The following HS6ST3 variants were observed in gnomAD, a reference collection of about 807,000 sequenced individuals.
The protein encoded by HS6ST3 is heparan-sulfate 6-O-sulfotransferase 3.
A neutral mutation model predicts 36.7 loss-of-function variants in HS6ST3; 12 were observed. The observed-to-expected ratio is 0.33, with a 90% CI of 0.21 to 0.53. HS6ST3 has a LOEUF of 0.53. Among genes scored for constraint, HS6ST3 ranks in the 20% least tolerant of loss-of-function variants. The pLI is 0.95. For synonymous variants in HS6ST3, 240 were observed against 257.5 expected (o/e 0.93, Z 0.65); for missense variants, 584 against 640.9 (o/e 0.91, Z 0.96).
rs542120404 is a variant in HS6ST3 at position 96,144,595 on chromosome 13, G to C, written c.707+53026G>C. Among the ~76,000 whole-genome samples, 249 of 151,942 alleles carry C rather than the reference G, an allele frequency of 1.6e-3. 1 individual carries two copies. Among genetic ancestry groups the C allele is most frequent in the African/African-American group, 5.8e-3 (242 of 41,504 alleles). ...CTTATGCAGTTTATGGACTAGATGT[G>C]ATCTTGAAGTTGCTTATAAATAAAA... On this transcript the variant is annotated intron_variant, in intron 1 of 1. Transcript: ENST00000376705.
At chr13:96,327,686 C>G (rs895220770) in intron 1 of HS6ST3, among the ~76,000 whole-genome samples, 39 of 151,818 alleles carry the variant, frequency 2.6e-4, no homozygotes, top group Admixed American at 8.5e-4. Flanking sequence ...TCCATATGAA[C>G]TTTAAAGTAG....
chr13:96,329,155 G>C (rs2055050405), intron 1 of HS6ST3, among the ~76,000 whole-genome samples: 1 of 147,344 alleles, frequency 6.8e-6, no homozygotes, highest in African/African-American at 2.5e-5. Flanking sequence ...TTAATTTTTT[G>C]AAGCGTTTTT....
In HS6ST3 at chr13:96,400,768, G is replaced by A. The variant is rs1202699925; in HGVS notation, c.707+309199G>A. On this transcript the variant is annotated intron_variant, in intron 1 of 1. Coordinates refer to ENST00000376705, the MANE Select transcript of HS6ST3 (RefSeq NM_153456.4). ...CAAACCTAAGAGTAGTAAAATACAT[G>A]GTGGTTTGCACAAAATTTGTTTCTT... is the stretch of plus-strand genomic sequence containing the variant. 3.9e-5 allele frequency among the ~76,000 whole-genome samples: 6 copies of A among 152,098 alleles called. No individual in the cohort carries two copies. In the East Asian group the frequency reaches 1.2e-3, roughly 29 times the overall value.
At chr13:96,205,836 G>A (rs2076972302) in intron 1 of HS6ST3, among the ~76,000 whole-genome samples, 1 of 152,112 alleles carries the variant, frequency 6.6e-6, no homozygotes, top group Admixed American at 6.6e-5. Context: ...AGCCATATAT[G>A]ACAGACTCAC....
At chr13:96,343,383 G>T (rs1012235429) in intron 1 of HS6ST3, among the ~76,000 whole-genome samples, 11 of 152,040 alleles carry the variant, frequency 7.2e-5, no homozygotes, top group Non-Finnish European at 1.3e-4. Context: ...CACGTTCCTT[G>T]GCCTGTGGCA....
At chr13:96,605,348 A>T (rs1305955122) in intron 1 of HS6ST3, among the ~76,000 whole-genome samples, 2 of 152,252 alleles carry the variant, frequency 1.3e-5, no homozygotes, top group Middle Eastern at 3.4e-3. Context: ...TGCACTAATC[A>T]TCATGCCTAA....
chr13:96,310,333 C>T (rs1245726977), intron 1 of HS6ST3, among the ~76,000 whole-genome samples: 1 of 152,122 alleles, frequency 6.6e-6, no homozygotes, highest in Non-Finnish European at 1.5e-5. Context: ...ATTTATTTAT[C>T]ATTGTGTTGT....
chr13:96,589,320 AT>A (rs528913709), intron 1 of HS6ST3, among the ~76,000 whole-genome samples: 2 of 151,980 alleles, frequency 1.3e-5, no homozygotes, highest in South Asian at 4.1e-4. Flanking sequence ...AGGTTATCTA[AT>A]TTTTTATGTA....
chr13:96,834,195 T>G lies in HS6ST3; in HGVS notation c.*997T>G, dbSNP rs1566465020. The G allele has an allele frequency of 6.6e-6, 1 of 152,188 alleles. No homozygotes were observed. The highest frequency in any genetic ancestry group is 1.9e-4 in the East Asian group (1 of 5,198). 9.4% of individuals were successfully genotyped at this position (152,188 alleles called of 1,614,324 possible). ...TTTTGCCACCACAGAAAGAAAGATGTTTTTAAAAGCTTGGCCCAAAGAATA... is the reference window on the plus strand; with the variant it reads ...TTTTGCCACCACAGAAAGAAAGATGGTTTTAAAAGCTTGGCCCAAAGAATA... On this transcript the variant is annotated 3_prime_UTR_variant, in exon 2 of 2. Transcript: ENST00000376705.
chr13:96,731,793 C>A (rs1047354803), intron 1 of HS6ST3, among the ~76,000 whole-genome samples: 1 of 151,856 alleles, frequency 6.6e-6, no homozygotes, highest in South Asian at 2.1e-4. Flanking sequence ...GTAGCTGGGA[C>A]TACAGGCATG....
At chr13:96,247,472 T>C (rs1314993962) in intron 1 of HS6ST3, among the ~76,000 whole-genome samples, 4 of 152,126 alleles carry the variant, frequency 2.6e-5, no homozygotes, top group Admixed American at 6.5e-5. Flanking sequence ...CAAGTTCCTC[T>C]TTGCACATTC....
intron 1 of HS6ST3, among the ~76,000 whole-genome samples, chr13:96,753,705 A>G (rs1876755690): frequency 6.6e-6 from 1 of 152,166 alleles, no homozygotes. Flanking sequence ...GTCTGCATGT[A>G]ACTGCACAAG....
chr13:96,420,162 C>T (rs2055555843), intron 1 of HS6ST3, among the ~76,000 whole-genome samples: 1 of 152,150 alleles, frequency 6.6e-6, no homozygotes, highest in African/African-American at 2.4e-5. Flanking sequence ...TGGTATCTGC[C>T]TGTGCTGACA....
intron 1 of HS6ST3, among the ~76,000 whole-genome samples, chr13:96,495,910 C>T (rs2055972807): frequency 6.6e-6 from 1 of 152,226 alleles, no homozygotes; most frequent in Non-Finnish European, 1.5e-5. Flanking sequence ...TTTCCCTCTT[C>T]AGCATAAGGC....
At chr13:96,297,513 G>A (rs1369273747) in intron 1 of HS6ST3, among the ~76,000 whole-genome samples, 1 of 152,098 alleles carries the variant, frequency 6.6e-6, no homozygotes, top group African/African-American at 2.4e-5. Context: ...GGTGTTCCAG[G>A]AACAGCAGGG....
rs548438365 is a variant in HS6ST3 at position 96,297,676 on chromosome 13, T to C, written c.707+206107T>C. On this transcript the variant is annotated intron_variant, in intron 1 of 1. Coordinates refer to ENST00000376705, the MANE Select transcript of HS6ST3 (RefSeq NM_153456.4). ...TAAGTATAGTTCTCCTCTCCCTCATTTGTAATCATTTTTGAGCTTCCAGAC... is the reference window on the plus strand; with the variant it reads ...TAAGTATAGTTCTCCTCTCCCTCATCTGTAATCATTTTTGAGCTTCCAGAC... Among the ~76,000 whole-genome samples the C allele has an allele frequency of 2.0e-5, 3 of 152,214 alleles. No homozygotes were observed. In the South Asian group the frequency reaches 6.2e-4, roughly 32 times the overall value.
At chr13:96,781,663 A>C (rs1877531349) in intron 1 of HS6ST3, among the ~76,000 whole-genome samples, 2 of 152,230 alleles carry the variant, frequency 1.3e-5, no homozygotes. Flanking sequence ...TCAGCAAATG[A>C]AAATATATCA....
At chr13:96,112,034 T>C (rs1328502108) in intron 1 of HS6ST3, among the ~76,000 whole-genome samples, 4 of 152,162 alleles carry the variant, frequency 2.6e-5, no homozygotes. Flanking sequence ...GTAGAGTTAG[T>C]CCCAGATATA....
chr13:96,496,395 G>A (rs563830217), intron 1 of HS6ST3, among the ~76,000 whole-genome samples: 4 of 152,202 alleles, frequency 2.6e-5, no homozygotes, highest in African/African-American at 9.6e-5. Flanking sequence ...AGGGACATCT[G>A]TATTCCGTCT....
Sources: gnomAD v4.1 joint callset for allele counts (sites outside exome capture counted in the v4.1 genomes callset) on GRCh38, gnomAD v4.1.1 for gene constraint, MANE v1.5 for transcripts, NCBI Gene and HGNC (gene_info 2026-07-23, HGNC 2026-07-21) for gene names.